The following SLTM variants were observed in gnomAD, a reference collection of about 807,000 sequenced individuals.
The protein encoded by SLTM is SAFB-like transcription modulator.
SLTM carries 43 observed loss-of-function variants against 134.6 expected under a neutral mutation model. That is an observed-to-expected ratio of 0.32 (90% confidence interval 0.25 to 0.41). The LOEUF (loss-of-function observed/expected upper bound fraction) is 0.41. Ranked by LOEUF, SLTM falls within the 10% of genes least tolerant of loss-of-function variation. The pLI, the probability that SLTM is intolerant of heterozygous loss-of-function variation, is 1.00. For missense variants in SLTM, 1,055 were observed against 1,288.8 expected, an observed-to-expected ratio of 0.82 and a Z score of 2.78; for synonymous variants, 424 against 432.3, an observed-to-expected ratio of 0.98 and a Z score of 0.24.
At position 58,883,898 on chromosome 15, in the gene SLTM, G is replaced by GGTCAGC. The variant is rs1307437724; in HGVS notation, c.2836-113_2836-112insGCTGAC. The stretch of plus-strand genomic sequence containing the variant: ...GGATCACCTGAGGTCAGGAGTTCGA[G>GGTCAGC]ACCAGCCTGGCTAACATGGTGCAAC... On this transcript the variant is annotated intron_variant, in intron 19 of 20. Coordinates refer to ENST00000380516, the MANE Select transcript of SLTM (RefSeq NM_024755.4). 3 of 1,171,006 alleles carry GGTCAGC rather than the reference G, an allele frequency of 2.6e-6. No individual in the cohort carries two copies. The East Asian group carries it at 7.8e-5, about 30-fold the overall frequency. 72.5% of individuals were successfully genotyped at this position (1,171,006 alleles called of 1,614,324 possible).
In SLTM at chr15:58,916,215, C is replaced by T. The variant is rs920657166; in HGVS notation, c.315+720G>A. Among the ~76,000 whole-genome samples the T allele has an allele frequency of 1.0e-4, 15 of 150,434 alleles. No homozygotes were observed. The South Asian group carries it at 1.5e-3, about 15-fold the overall frequency. ...TTTTGAGACGGAGTCTTGCTGTTAC[C>T]CAGGCTGGAATGCACTGGCACAATT... On this transcript the variant is annotated intron_variant, in intron 3 of 20. Transcript: ENST00000380516.
intron 5 of SLTM, among the ~76,000 whole-genome samples, chr15:58,904,157 C>G (rs965147707): frequency 6.6e-6 from 1 of 152,074 alleles, no homozygotes; most frequent in Non-Finnish European, 1.5e-5. Context: ...GTGTATGCCA[C>G]CACACCTGGC....
At chr15:58,894,974 G>C (rs2094013518) in intron 9 of SLTM, among the ~76,000 whole-genome samples, 1 of 152,020 alleles carries the variant, frequency 6.6e-6, no homozygotes, top group Admixed American at 6.6e-5. Flanking sequence ...CACAGTGCTG[G>C]GATTACAAGC....
Position 58,918,316 on chromosome 15 carries a change from G to A in SLTM, c.251-1317C>T, listed in dbSNP as rs540620320. Among the ~76,000 whole-genome samples, 70 of 152,016 alleles carry A rather than the reference G, an allele frequency of 4.6e-4. No homozygotes were observed. In the South Asian group the frequency reaches 9.1e-3, roughly 20 times the overall value. ...AACTTTTTTCCCTTTGCCTACAACT[G>A]GCACAGACAGTGCTACTACCTAGTT... On this transcript the variant is annotated intron_variant, in intron 2 of 20. Coordinates refer to ENST00000380516, the MANE Select transcript of SLTM (RefSeq NM_024755.4).
chr15:58,933,264 G>A (rs1021654945), intron 1 of SLTM, 140 bp downstream of exon 1: 1 of 858,490 alleles, frequency 1.2e-6, no homozygotes, highest in Non-Finnish European at 1.6e-6. Context: ...ACGCTCGCGG[G>A]AGCCGCCCCT....
chr15:58,905,684 C>T (rs2035824495), intron 5 of SLTM, among the ~76,000 whole-genome samples: 5 of 151,736 alleles, frequency 3.3e-5, no homozygotes, highest in Admixed American at 3.3e-4. Flanking sequence ...AAGAAAAAAA[C>T]ATAACATGTC....
chr15:58,885,095 G>A (rs1377159618), intron 19 of SLTM, among the ~76,000 whole-genome samples: 2 of 152,234 alleles, frequency 1.3e-5, no homozygotes, highest in African/African-American at 4.8e-5. Flanking sequence ...AGGACAACAT[G>A]CAGACAGCAC....
At position 58,925,143 on chromosome 15, in the gene SLTM, G is replaced by T. The variant is rs546540846; in HGVS notation, c.250+7213C>A. Among the ~76,000 whole-genome samples, 10 of 150,198 alleles carry T rather than the reference G, an allele frequency of 6.7e-5. No individual in the cohort carries two copies. The East Asian group carries it at 2.0e-3, about 29-fold the overall frequency. ...AGGGAGGGGAAGATTAAGAAGATAT[G>T]CCAAACTGAAATGTTTCCAGCAACA... is the stretch of plus-strand genomic sequence containing the variant. On this transcript the variant is annotated intron_variant, in intron 2 of 20. Transcript: ENST00000380516.
rs763594834 is a variant in SLTM at position 58,879,995 on chromosome 15, AT to A, written c.*3del. 139 of 1,612,920 alleles carry A rather than the reference AT, an allele frequency of 8.6e-5. No individual in the cohort carries two copies. The highest frequency in any genetic ancestry group is 1.1e-4 in the Non-Finnish European group (132 of 1,179,642). On this transcript the variant is annotated 3_prime_UTR_variant, in exon 21 of 21. Transcript: ENST00000380516. ...ATCTTAAAACCTTGGCAGAGAGCTCATTTTCAGAATCGTCGCGGAGGTCCAC... is the reference window on the plus strand; with the variant it reads ...ATCTTAAAACCTTGGCAGAGAGCTCATTTCAGAATCGTCGCGGAGGTCCAC...
At chr15:58,894,399 A>G in intron 10 of SLTM, 34 bp downstream of exon 10, 1 of 1,612,444 alleles carries the variant, frequency 6.2e-7, no homozygotes, top group Non-Finnish European at 8.5e-7. Flanking sequence ...CCATCAAATT[A>G]GACTTGCTTT....
chr15:58,896,056 T>C (rs191385263), intron 9 of SLTM, among the ~76,000 whole-genome samples: 1 of 152,176 alleles, frequency 6.6e-6, no homozygotes, highest in South Asian at 2.1e-4. Context: ...ATAATGTAAG[T>C]AGACAGTATT....
Position 58,894,482 on chromosome 15 carries a change from G to C in SLTM, c.1328C>G (p.Ala443Gly). 6.2e-7 allele frequency: 1 copy of C among 1,614,120 alleles called. No individual in the cohort carries two copies. The highest frequency in any genetic ancestry group is 8.5e-7 in the Non-Finnish European group (1 of 1,180,024). The change falls in exon 10 of 21, where the codon GCA (alanine) becomes GGA (glycine). Residue 443 changes from alanine (A) to glycine (G), a missense_variant. This residue lies in a region of SLTM where 776 missense variants were observed against 962.2 expected (regional missense o/e 0.81). Transcript: ENST00000380516. ...ATGCAGCTCAGTGCGATGAAGATGT[G>C]CAATACACCTGGACACCTCTGTGCT... ...SSSTEVSRCI[A>G]HLHRTELHGQ... is the part of the protein sequence containing the mutation.
chr15:58,916,178 C>CTTTT (rs11455727), intron 3 of SLTM, among the ~76,000 whole-genome samples: 3 of 138,674 alleles, frequency 2.2e-5, no homozygotes, highest in Admixed American at 7.3e-5. Context: ...CTCTCTCTCT[C>CTTTT]TTTTTTTTTT....
rs375734585 is a variant in SLTM at position 58,917,655 on chromosome 15, G to A, written c.251-656C>T. 1.2e-4 allele frequency among the ~76,000 whole-genome samples: 19 copies of A among 152,336 alleles called. No individual in the cohort carries two copies. The East Asian group carries it at 2.1e-3, about 17-fold the overall frequency. On this transcript the variant is annotated intron_variant, in intron 2 of 20. Transcript: ENST00000380516. The stretch of plus-strand genomic sequence containing the variant: ...TAAGGCATGCAGAAATTACTGCAGA[G>A]TGAAAACTGTTAATAGCTTTCCGAC...
intron 16 of SLTM, among the ~76,000 whole-genome samples, chr15:58,888,943 GT>G (rs1473018097): frequency 3.9e-5 from 6 of 152,274 alleles, no homozygotes; most frequent in African/African-American, 1.4e-4. Flanking sequence ...CGTTAGAGTG[GT>G]AAGTCAGAAG....
intron 2 of SLTM, among the ~76,000 whole-genome samples, chr15:58,919,651 A>T (rs571123512): frequency 6.6e-6 from 1 of 152,172 alleles, no homozygotes; most frequent in African/African-American, 2.4e-5. Flanking sequence ...AAACCAAAAC[A>T]TCAAATCCTC....
chr15:58,905,551 A>G (rs1301519208), intron 5 of SLTM, among the ~76,000 whole-genome samples: 3 of 152,094 alleles, frequency 2.0e-5, no homozygotes, highest in East Asian at 1.9e-4. Context: ...TTAGAAAAAT[A>G]TATTTTAAAA....
chr15:58,926,314 A>G (rs1297960134), intron 2 of SLTM, among the ~76,000 whole-genome samples: 1 of 152,216 alleles, frequency 6.6e-6, no homozygotes, highest in Non-Finnish European at 1.5e-5. Flanking sequence ...TCAACAAAAC[A>G]CCATGTATGG....
intron 4 of SLTM, 73 bp from the exon 5 acceptor site, chr15:58,912,683 AC>A: frequency 8.3e-7 from 1 of 1,200,862 alleles, no homozygotes; most frequent in Non-Finnish European, 1.2e-6. Flanking sequence ...TTATGCTTAC[AC>A]CTGATTATCA....
Sources: allele counts gnomAD v4.1 joint callset (sites outside exome capture counted in the v4.1 genomes callset), GRCh38; gene constraint gnomAD v4.1.1; regional missense constraint gnomAD v4.1.1; transcripts MANE v1.5; gene names NCBI Gene and HGNC (gene_info 2026-07-23, HGNC 2026-07-21).